GNAL: variants seen among roughly 807,000 people sequenced by gnomAD.
GNAL encodes G protein subunit alpha L, also known as guanine nucleotide-binding protein G(olf) subunit alpha.
In GNAL, 18 loss-of-function variants were observed where a neutral mutation model predicts 55.1. The ratio of observed to expected loss-of-function variants is 0.33; its 90% confidence interval spans 0.23 to 0.48. GNAL has a LOEUF of 0.48. GNAL is among the 20% of genes least tolerant of loss of function. The pLI is 0.99. For missense variants in GNAL, 412 were observed against 614.1 expected (o/e 0.67, Z 3.48); for synonymous variants, 253 against 237.0 (o/e 1.07, Z -0.62).
intron 1 of GNAL, among the ~76,000 whole-genome samples, chr18:11,726,913 C>T (rs1248740570): frequency 2.0e-5 from 3 of 151,896 alleles, no homozygotes; most frequent in Admixed American, 2.0e-4. Flanking sequence ...CAGAATGGGA[C>T]AGGTTGTAAG....
At chr18:11,880,751 G>A (rs758836593) in intron 11 of GNAL, among the ~76,000 whole-genome samples, 3 of 152,044 alleles carry the variant, frequency 2.0e-5, no homozygotes, top group Non-Finnish European at 2.9e-5. Flanking sequence ...CTTGCCTGCC[G>A]GGGCTTTCTC....
chr18:11,846,363 C>A (rs1433985865), intron 5 of GNAL, among the ~76,000 whole-genome samples: 2 of 150,562 alleles, frequency 1.3e-5, no homozygotes, highest in African/African-American at 2.4e-5. Context: ...TGTTCTATTT[C>A]TTTCTCTTTC....
At position 11,715,201 on chromosome 18, in the gene GNAL, T is replaced by C. The variant is rs369267954; in HGVS notation, c.376+25262T>C. On this transcript the variant is annotated intron_variant, in intron 1 of 11. Coordinates refer to ENST00000334049, the MANE Select transcript of GNAL (RefSeq NM_182978.4). ...AAGGCCGGGCGCGGTGGCTCACGCC[T>C]GTAATCCCAGCACTTTGGGAGGCCG... Among the ~76,000 whole-genome samples the C allele has an allele frequency of 9.3e-5, 14 of 150,918 alleles. No individual in the cohort carries two copies. The East Asian group carries it at 2.2e-3, about 23-fold the overall frequency.
chr18:11,837,584 A>C (rs2035524358), intron 5 of GNAL, among the ~76,000 whole-genome samples: 1 of 152,188 alleles, frequency 6.6e-6, no homozygotes, highest in South Asian at 2.1e-4. Context: ...TCATAACCCT[A>C]GGGTGGCTGT....
intron 5 of GNAL, chr18:11,851,296 G>A (rs958255965): frequency 3.7e-6 from 2 of 541,140 alleles, no homozygotes; most frequent in Non-Finnish European, 6.3e-6. Context: ...CGCAGCCCCT[G>A]GCGTCTTACG....
chr18:11,759,240 TTTAGCA>T (rs1364605408), intron 4 of GNAL, among the ~76,000 whole-genome samples: 1 of 152,178 alleles, frequency 6.6e-6, no homozygotes, highest in African/African-American at 2.4e-5. Flanking sequence ...CCAAAAATCC[TTTAGCA>T]CTATACCAAG....
At chr18:11,755,164 C>T (rs990884567) in intron 4 of GNAL, among the ~76,000 whole-genome samples, 15 of 152,196 alleles carry the variant, frequency 9.9e-5, no homozygotes, top group Non-Finnish European at 2.2e-4. Context: ...AGAGAGACCC[C>T]GCCCTGCCTG....
At chr18:11,866,858 G>A (rs938807406) in intron 7 of GNAL, among the ~76,000 whole-genome samples, 1 of 139,794 alleles carries the variant, frequency 7.2e-6, no homozygotes, top group Admixed American at 6.8e-5. Flanking sequence ...TAGCATTACT[G>A]AGCTAGTAAC....
intron 4 of GNAL, among the ~76,000 whole-genome samples, chr18:11,807,095 G>A (rs1037400539): frequency 1.3e-5 from 2 of 151,984 alleles, no homozygotes; most frequent in Non-Finnish European, 2.9e-5. Context: ...GGAGGCAGAG[G>A]TTGCAGTGAG....
chr18:11,824,139 C>G (rs1286527718), intron 4 of GNAL, among the ~76,000 whole-genome samples: 4 of 151,764 alleles, frequency 2.6e-5, no homozygotes, highest in Admixed American at 6.6e-5. Flanking sequence ...TATGTCTGGG[C>G]CAAATTTAAT....
intron 5 of GNAL, among the ~76,000 whole-genome samples, chr18:11,844,002 G>T (rs977997447): frequency 4.6e-5 from 7 of 152,084 alleles, no homozygotes; most frequent in African/African-American, 1.7e-4. Flanking sequence ...TTATGTTTTG[G>T]CCGAAAAGTT....
At chr18:11,746,122 CT>C in intron 1 of GNAL, 1 of 535,840 alleles carries the variant, frequency 1.9e-6, no homozygotes. Context: ...AAAGTGGAGC[CT>C]TTTGTTCTGG....
chr18:11,866,705 G>C (rs1436873064), intron 7 of GNAL, among the ~76,000 whole-genome samples: 1 of 150,180 alleles, frequency 6.7e-6, no homozygotes, highest in Non-Finnish European at 1.5e-5. Flanking sequence ...AGTGTAGACA[G>C]ATCAGCAAGG....
chr18:11,769,492 G>T (rs1477022841), intron 4 of GNAL, among the ~76,000 whole-genome samples: 2 of 152,032 alleles, frequency 1.3e-5, no homozygotes, highest in African/African-American at 4.8e-5. Flanking sequence ...GTAAGCTTTG[G>T]CTAGAGCTCA....
chr18:11,713,472 A>ATTTGG, intron 1 of GNAL, among the ~76,000 whole-genome samples: 1 of 152,188 alleles, frequency 6.6e-6, no homozygotes, highest in South Asian at 2.1e-4. Flanking sequence ...AGTTGTGGCC[A>ATTTGG]TTTGGAGCCA....
intron 1 of GNAL, chr18:11,702,387 C>A (rs375028017): frequency 6.6e-6 from 1 of 152,410 alleles, no homozygotes; most frequent in African/African-American, 2.4e-5. Flanking sequence ...AAATGAACCA[C>A]AAGCCCACAG....
At chr18:11,851,874 G>C (rs1436274813) in intron 5 of GNAL, 7 of 1,613,808 alleles carry the variant, frequency 4.3e-6, no homozygotes, top group Non-Finnish European at 5.9e-6. Flanking sequence ...TCGAGCACCA[G>C]TTTGAGACTC....
At chr18:11,757,684 T>C (rs962618986) in intron 4 of GNAL, among the ~76,000 whole-genome samples, 2 of 152,146 alleles carry the variant, frequency 1.3e-5, no homozygotes, top group African/African-American at 4.8e-5. Context: ...GAGGCAGGTA[T>C]GAGGAGGTTT....
At position 11,689,656 on chromosome 18, in the gene GNAL, G is replaced by A. The variant is rs964964441; in HGVS notation, c.93G>A (p.Gln31=). The change falls in exon 1 of 12, where the codon CAG becomes CAA. Residue 31 remains glutamine (Q), a synonymous_variant. Transcript: ENST00000334049. The part of the protein sequence containing the change: ...AASEPPVEDA[Q]PAPAPALAPV... ...CGGAGCCGCCGGTGGAGGACGCGCA[G>A]CCCGCCCCGGCCCCGGCCCTGGCCC... 1.3e-5 allele frequency: 18 copies of A among 1,390,850 alleles called. No individual in the cohort carries two copies. The highest frequency in any genetic ancestry group is 1.6e-5 in the African/African-American group (1 of 64,266). The allele number at this position is 1,390,850 out of a possible 1,614,324, so 86.2% of individuals were successfully genotyped here. A position where few individuals can be genotyped will look rare whatever the true frequency, so the allele number is the denominator to read the frequency against.
Sources: gnomAD v4.1 joint callset for allele counts (sites outside exome capture counted in the v4.1 genomes callset) on GRCh38, gnomAD v4.1.1 for gene constraint, MANE v1.5 for transcripts, NCBI Gene and HGNC (gene_info 2026-07-23, HGNC 2026-07-21) for gene names.